Variants in OR1B1 observed in about 807,000 individuals in gnomAD.
The protein encoded by OR1B1 is olfactory receptor family 1 subfamily B member 1.
For missense variants in OR1B1, 414 were observed against 402.1 expected (o/e 1.03, Z -0.25); for synonymous variants, 168 against 156.2 (o/e 1.08, Z -0.57).
At chr9:122,639,864 T>C in the OR1B1 span, among the ~76,000 whole-genome samples, 9 of 151,970 alleles carry the variant, frequency 5.9e-5, no homozygotes, top group African/African-American at 2.2e-4. Context: ...ATGAACAGTC[T>C]TCACCCACAC....
At chr9:122,633,602 CAAAATA>C (rs1830225946), upstream of OR1B1, among the ~76,000 whole-genome samples, 2 of 151,896 alleles carry the variant, frequency 1.3e-5, no homozygotes, top group Non-Finnish European at 2.9e-5. Flanking sequence ...TACTCAATAG[CAAAATA>C]ATAATAATAA....
the OR1B1 span, among the ~76,000 whole-genome samples, chr9:122,640,996 T>G: frequency 6.6e-5 from 10 of 152,302 alleles, no homozygotes; most frequent in South Asian, 1.2e-3. Flanking sequence ...AACAGTATAA[T>G]AAGTGATATA....
exon 1 of OR1B1, chr9:122,628,632 C>A: frequency 6.2e-7 from 1 of 1,614,032 alleles, no homozygotes; most frequent in Non-Finnish European, 8.5e-7. Context: ...CCCTTGACAT[C>A]CTTATTGTGG....
At chr9:122,628,877 A>G (rs1440402141) in exon 1 of OR1B1, 2 of 1,614,182 alleles carry the variant, frequency 1.2e-6, no homozygotes, top group Non-Finnish European at 8.5e-7. Flanking sequence ...AGAGAGTACA[A>G]TGAGGGCACA....
the OR1B1 span, among the ~76,000 whole-genome samples, chr9:122,636,014 G>A: frequency 6.6e-6 from 1 of 152,188 alleles, no homozygotes; most frequent in South Asian, 2.1e-4. Flanking sequence ...AAATAAAAAA[G>A]CATTTTTACG....
chr9:122,648,651 T>C, the OR1B1 span, among the ~76,000 whole-genome samples: 4 of 152,148 alleles, frequency 2.6e-5, no homozygotes, highest in Non-Finnish European at 5.9e-5. Flanking sequence ...CCATTCACAA[T>C]TGCTACAAAG....
chr9:122,629,676 A>C, upstream of OR1B1: 5 of 573,884 alleles, frequency 8.7e-6, no homozygotes, highest in Non-Finnish European at 1.5e-5. Flanking sequence ...TTGACCATCT[A>C]CTCTCCCTCC....
chr9:122,631,150 A>G (rs16912007), upstream of OR1B1, among the ~76,000 whole-genome samples: 29,304 of 151,916 alleles, frequency 0.19, 3,533 homozygotes, highest in South Asian at 0.4. Context: ...CCCACTCAAC[A>G]CAGAAACTTA....
chr9:122,655,434 A>G, the OR1B1 span, among the ~76,000 whole-genome samples: 1 of 152,016 alleles, frequency 6.6e-6, no homozygotes, highest in Non-Finnish European at 1.5e-5. Context: ...ATCAACCCAG[A>G]CGCCCATCAA....
chr9:122,646,997 T>A, the OR1B1 span, among the ~76,000 whole-genome samples: 1 of 152,296 alleles, frequency 6.6e-6, no homozygotes, highest in South Asian at 2.1e-4. Context: ...CAGTGTTAGG[T>A]TGTCATAAGT....
At chr9:122,646,479 T>C in the OR1B1 span, among the ~76,000 whole-genome samples, 2 of 150,914 alleles carry the variant, frequency 1.3e-5, no homozygotes, top group Non-Finnish European at 3.0e-5. Flanking sequence ...AAGACACACC[T>C]AGGCTGAAAA....
chr9:122,633,481 A>G (rs1830224681), upstream of OR1B1, among the ~76,000 whole-genome samples: 1 of 152,248 alleles, frequency 6.6e-6, no homozygotes, highest in South Asian at 2.1e-4. Flanking sequence ...GCTTTTGCAC[A>G]GCAAAGGAAA....
the OR1B1 span, among the ~76,000 whole-genome samples, chr9:122,644,446 T>C: frequency 6.6e-6 from 1 of 152,194 alleles, no homozygotes; most frequent in Non-Finnish European, 1.5e-5. Context: ...CACGGTAGAA[T>C]AGAACATTAG....
At chr9:122,654,368 A>G in the OR1B1 span, among the ~76,000 whole-genome samples, 1 of 152,216 alleles carries the variant, frequency 6.6e-6, no homozygotes, top group Non-Finnish European at 1.5e-5. Context: ...ATCTGATTCC[A>G]GTGCTCTCCT....
chr9:122,645,573 C>A, the OR1B1 span, among the ~76,000 whole-genome samples: 3 of 152,032 alleles, frequency 2.0e-5, no homozygotes, highest in Non-Finnish European at 4.4e-5. Context: ...AGCTCCAATG[C>A]AACTGGCAGA....
upstream of OR1B1, among the ~76,000 whole-genome samples, chr9:122,633,312 A>C (rs1260346865): frequency 6.6e-6 from 1 of 152,228 alleles, no homozygotes; most frequent in East Asian, 1.9e-4. Context: ...AAATGGACTG[A>C]AGACCTAAAC....
At chr9:122,653,506 A>G in the OR1B1 span, among the ~76,000 whole-genome samples, 1 of 152,200 alleles carries the variant, frequency 6.6e-6, no homozygotes. Context: ...ACACATGGTA[A>G]ATACAATATA....
At chr9:122,630,503 A>G (rs1399796109), upstream of OR1B1, among the ~76,000 whole-genome samples, 3 of 152,156 alleles carry the variant, frequency 2.0e-5, no homozygotes, top group African/African-American at 7.2e-5. Flanking sequence ...CAACCTCATT[A>G]CTGGTTTCTC....
the OR1B1 span, among the ~76,000 whole-genome samples, chr9:122,656,868 T>C: frequency 4.6e-5 from 7 of 152,228 alleles, no homozygotes; most frequent in African/African-American, 1.7e-4. Context: ...ATTTTAGTTA[T>C]ATGATTATAT....
Sources: allele counts gnomAD v4.1 joint callset (sites outside exome capture counted in the v4.1 genomes callset), GRCh38; gene constraint gnomAD v4.1.1; transcripts MANE v1.5; gene names NCBI Gene and HGNC (gene_info 2026-07-23, HGNC 2026-07-21).